Variants in SCARA3 observed in about 807,000 individuals in gnomAD.
The protein encoded by SCARA3 is cellular stress response gene protein.
Under a neutral mutation model 47.0 loss-of-function variants are expected in SCARA3, and 39 were observed. The ratio of observed to expected loss-of-function variants is 0.83; its 90% CI spans 0.64 to 1.08. The LOEUF is 1.08. Among genes scored for constraint, SCARA3 ranks in the 50% least tolerant of loss-of-function variants. The pLI is 0.00. For missense variants in SCARA3, 724 were observed against 792.3 expected (o/e 0.91, Z 1.04); for synonymous variants, 356 against 334.1 (o/e 1.07, Z -0.71).
At chr8:27,653,647 C>A (rs1301703947) in intron 3 of SCARA3, among the ~76,000 whole-genome samples, 3 of 150,830 alleles carry the variant, frequency 2.0e-5, no homozygotes, top group African/African-American at 7.3e-5. Flanking sequence ...TGCTTTACAA[C>A]CAGAACTGTG....
intron 3 of SCARA3, among the ~76,000 whole-genome samples, chr8:27,653,423 G>C (rs983758317): frequency 6.6e-6 from 1 of 152,226 alleles, no homozygotes; most frequent in Admixed American, 6.5e-5. Flanking sequence ...GTGTGTTTGT[G>C]AACCACGGGA....
chr8:27,696,845 A>T, the SCARA3 span, among the ~76,000 whole-genome samples: 1 of 152,194 alleles, frequency 6.6e-6, no homozygotes, highest in Non-Finnish European at 1.5e-5. Flanking sequence ...AGGCAAATCT[A>T]GAAAGACAGA....
At chr8:27,664,825 C>G (rs910911680) in intron 5 of SCARA3, among the ~76,000 whole-genome samples, 2 of 151,890 alleles carry the variant, frequency 1.3e-5, no homozygotes, top group Non-Finnish European at 2.9e-5. Flanking sequence ...GAGAGCAAAA[C>G]GGGGCATCTG....
At position 27,651,075 on chromosome 8, in the gene SCARA3, A is replaced by G. The variant is rs34950130; in HGVS notation, c.107-433A>G. Among the ~76,000 whole-genome samples, 342 of 152,270 alleles carry G rather than the reference A, an allele frequency of 2.2e-3. 6 individuals are homozygous for G. The highest frequency in any genetic ancestry group is 7.5e-3 in the African/African-American group (310 of 41,566). On this transcript the variant is annotated intron_variant, in intron 2 of 5. Coordinates refer to ENST00000301904, the MANE Select transcript of SCARA3 (RefSeq NM_016240.3). ...ATCTTAGCAAACCAGGATGATTGGC[A>G]CCATGCTGAGGAGCTCCTGTGATGG...
At chr8:27,688,831 G>C in the SCARA3 span, among the ~76,000 whole-genome samples, 1 of 152,286 alleles carries the variant, frequency 6.6e-6, no homozygotes, top group South Asian at 2.1e-4. Context: ...AGGGCCACAC[G>C]GGGCTTTTAG....
chr8:27,714,445 G>A, the SCARA3 span, among the ~76,000 whole-genome samples: 14 of 151,878 alleles, frequency 9.2e-5, no homozygotes, highest in East Asian at 7.7e-4. Flanking sequence ...CACCCGCCTC[G>A]GCCTCCCAAA....
chr8:27,675,614 A>AC, downstream of SCARA3, among the ~76,000 whole-genome samples: 1 of 151,964 alleles, frequency 6.6e-6, no homozygotes, highest in East Asian at 1.9e-4. Context: ...ATATGGTGAA[A>AC]CCCCGTCTCT....
chr8:27,658,438 A>G, intron 4 of SCARA3, 58 bp from the exon 5 acceptor site: 2 of 1,431,454 alleles, frequency 1.4e-6, no homozygotes, highest in Non-Finnish European at 1.9e-6. Context: ...TAATTTAAAG[A>G]GGAAGCGTCG....
chr8:27,705,007 G>C, the SCARA3 span, among the ~76,000 whole-genome samples: 3 of 152,140 alleles, frequency 2.0e-5, no homozygotes, highest in Non-Finnish European at 4.4e-5. Context: ...CTCCCCAGGA[G>C]GGCAGCATCC....
the SCARA3 span, among the ~76,000 whole-genome samples, chr8:27,709,699 A>G: frequency 2.6e-5 from 4 of 152,320 alleles, no homozygotes; most frequent in South Asian, 6.2e-4. Context: ...GATGCTGGCC[A>G]GGGCTGGAGC....
At chr8:27,643,392 G>A (rs556071008) in intron 1 of SCARA3, among the ~76,000 whole-genome samples, 1 of 152,258 alleles carries the variant, frequency 6.6e-6, no homozygotes, top group East Asian at 1.9e-4. Flanking sequence ...GACCAAAAAA[G>A]GGGCGAGTGC....
chr8:27,676,253 T>C (rs924003782), downstream of SCARA3, among the ~76,000 whole-genome samples: 1 of 152,214 alleles, frequency 6.6e-6, no homozygotes, highest in African/African-American at 2.4e-5. Flanking sequence ...CTTGCTCAAG[T>C]TCCCAGAGCC....
rs938406157 is a variant in SCARA3 at position 27,658,570 on chromosome 8, G to A, written c.400G>A (p.Glu134Lys). Residue 134 changes from glutamate (E) to lysine (K), a missense_variant, in exon 5 of 6, where the codon GAG becomes AAG. Transcript: ENST00000301904. ...GGGGCCAGAGATCCGAAAACTGCAG[G>A]AGGAGCTGGAGGGAATTCAGAAGCT... ...QLGPEIRKLQEELEGIQKLLL... is the reference protein window; with the variant it reads ...QLGPEIRKLQKELEGIQKLLL... 3 of 1,614,200 alleles carry A rather than the reference G, an allele frequency of 1.9e-6. No individual in the cohort carries two copies. Among genetic ancestry groups the A allele is most frequent in the East Asian group, 4.5e-5 (2 of 44,876 alleles).
At chr8:27,668,509 C>T (rs1802069546) in intron 5 of SCARA3, among the ~76,000 whole-genome samples, 1 of 143,960 alleles carries the variant, frequency 6.9e-6, no homozygotes, top group Non-Finnish European at 1.5e-5. Flanking sequence ...CACTGCAGTC[C>T]GCAGTCCGGC....
chr8:27,687,970 C>T, the SCARA3 span, among the ~76,000 whole-genome samples: 3 of 152,072 alleles, frequency 2.0e-5, no homozygotes, highest in African/African-American at 4.8e-5. Context: ...GAGCTGAGAT[C>T]GCACCACTGC....
the SCARA3 span, among the ~76,000 whole-genome samples, chr8:27,685,731 T>C: frequency 6.6e-6 from 1 of 152,168 alleles, no homozygotes; most frequent in African/African-American, 2.4e-5. Flanking sequence ...ACCTATGAAG[T>C]TGATTTGTCA....
intron 1 of SCARA3, among the ~76,000 whole-genome samples, chr8:27,638,613 G>T (rs1362719830): frequency 2.0e-5 from 3 of 152,162 alleles, no homozygotes; most frequent in Non-Finnish European, 2.9e-5. Context: ...CCGTAAACAT[G>T]CAGAAAGATG....
At chr8:27,683,027 C>CA in the SCARA3 span, among the ~76,000 whole-genome samples, 89 of 151,046 alleles carry the variant, frequency 5.9e-4, no homozygotes, top group African/African-American at 1.3e-3. Context: ...AAACAAAAAA[C>CA]AAAAAAAACA....
chr8:27,634,777 G>A (rs1412047785), intron 1 of SCARA3, among the ~76,000 whole-genome samples: 1 of 152,034 alleles, frequency 6.6e-6, no homozygotes, highest in African/African-American at 2.4e-5. Context: ...GAAGCCCCAT[G>A]GGCCAGGACT....
Sources: gnomAD v4.1 joint callset for allele counts (sites outside exome capture counted in the v4.1 genomes callset) on GRCh38, gnomAD v4.1.1 for gene constraint, MANE v1.5 for transcripts, NCBI Gene and HGNC (gene_info 2026-07-23, HGNC 2026-07-21) for gene names.